Variants in GSK3B observed in about 807,000 individuals in gnomAD.
The protein encoded by GSK3B is glycogen synthase kinase-3 beta.
In GSK3B, 15 loss-of-function variants were observed where a neutral mutation model predicts 56.4. That is an observed-to-expected ratio of 0.27 (90% CI 0.18 to 0.41). The LOEUF (loss-of-function observed/expected upper bound fraction) is 0.41, where lower values mean the gene tolerates loss of function less well. Among genes scored for constraint, GSK3B ranks in the 10% least tolerant of loss-of-function variants. The pLI, the probability that GSK3B is intolerant of heterozygous loss-of-function variation, is 1.00. For synonymous variants in GSK3B, 181 were observed against 188.9 expected, an observed-to-expected ratio of 0.96 and a Z score of 0.34; for missense variants, 300 against 513.4, an observed-to-expected ratio of 0.58 and a Z score of 4.02.
At position 119,846,129 on chromosome 3, in the gene GSK3B, A is replaced by G. The variant is rs552357585; in HGVS notation, c.1097-2776T>C. ...GACTGAAACTGGACCCCTTCCTTATACCTTATACAAAAATTAACTCAAGAT... is the reference window on the plus strand; with the variant it reads ...GACTGAAACTGGACCCCTTCCTTATGCCTTATACAAAAATTAACTCAAGAT... On this transcript the variant is annotated intron_variant, in intron 9 of 10. Coordinates refer to ENST00000264235, the MANE Select transcript of GSK3B (RefSeq NM_001146156.2). Among the ~76,000 whole-genome samples, 373 of 152,306 alleles carry G rather than the reference A, an allele frequency of 2.4e-3. 1 individual carries two copies. The highest frequency in any genetic ancestry group is 8.5e-3 in the African/African-American group (352 of 41,562).
At chr3:120,014,313 T>G (rs1485018567) in intron 1 of GSK3B, among the ~76,000 whole-genome samples, 2 of 151,988 alleles carry the variant, frequency 1.3e-5, no homozygotes, top group Non-Finnish European at 2.9e-5. Flanking sequence ...AGCAAAGATG[T>G]TCTCCCCAAA....
At chr3:119,887,341 AG>A (rs2056447260) in intron 7 of GSK3B, among the ~76,000 whole-genome samples, 1 of 152,160 alleles carries the variant, frequency 6.6e-6, no homozygotes, top group African/African-American at 2.4e-5. Flanking sequence ...ATATAAGAAG[AG>A]AAAAAATCAA....
intron 2 of GSK3B, among the ~76,000 whole-genome samples, chr3:119,992,395 G>A (rs1448504381): frequency 2.6e-5 from 4 of 151,976 alleles, no homozygotes; most frequent in Admixed American, 6.5e-5. Flanking sequence ...ATTGTACCCA[G>A]ACAAGTAGTT....
intron 2 of GSK3B, among the ~76,000 whole-genome samples, chr3:119,972,659 T>C (rs951362131): frequency 6.6e-6 from 1 of 152,084 alleles, no homozygotes; most frequent in Admixed American, 6.6e-5. Flanking sequence ...ATGTTCTCGA[T>C]CTCCTGACCT....
At chr3:119,892,948 CA>C (rs1292640635) in intron 7 of GSK3B, among the ~76,000 whole-genome samples, 3 of 152,024 alleles carry the variant, frequency 2.0e-5, no homozygotes, top group African/African-American at 7.2e-5. Flanking sequence ...CTATCATTTT[CA>C]CTTATAGAGG....
At chr3:120,009,898 AT>A (rs1160217369) in intron 1 of GSK3B, among the ~76,000 whole-genome samples, 1 of 152,206 alleles carries the variant, frequency 6.6e-6, no homozygotes, top group Non-Finnish European at 1.5e-5. Flanking sequence ...GGATTCCTTC[AT>A]AAGATAGCCA....
At chr3:120,067,102 C>T (rs2058287156) in intron 1 of GSK3B, among the ~76,000 whole-genome samples, 1 of 151,898 alleles carries the variant, frequency 6.6e-6, no homozygotes, top group Non-Finnish European at 1.5e-5. Flanking sequence ...ACATGTGGCC[C>T]GGGAATTAGA....
intron 1 of GSK3B, among the ~76,000 whole-genome samples, chr3:120,039,894 C>T (rs539982957): frequency 2.6e-5 from 4 of 152,322 alleles, no homozygotes; most frequent in South Asian, 2.1e-4. Context: ...CGGGCTCATC[C>T]GGGATTCCCA....
intron 10 of GSK3B, chr3:119,833,082 C>A: frequency 3.5e-6 from 2 of 569,030 alleles, no homozygotes; most frequent in Non-Finnish European, 4.4e-6. Context: ...AAGTCATAAA[C>A]GCAGAATTTC....
At chr3:119,999,767 T>G (rs2057657952) in intron 2 of GSK3B, among the ~76,000 whole-genome samples, 1 of 152,080 alleles carries the variant, frequency 6.6e-6, no homozygotes, top group Non-Finnish European at 1.5e-5. Context: ...AGCAGGAGAA[T>G]GGGAGTGATA....
chr3:119,946,777 T>G (rs2057104198), intron 3 of GSK3B, among the ~76,000 whole-genome samples: 1 of 152,160 alleles, frequency 6.6e-6, no homozygotes, highest in Non-Finnish European at 1.5e-5. Flanking sequence ...TAAAGTAAGC[T>G]CTGCAATATT....
intron 2 of GSK3B, among the ~76,000 whole-genome samples, chr3:119,963,810 C>A (rs1002271248): frequency 6.6e-6 from 1 of 151,996 alleles, no homozygotes; most frequent in African/African-American, 2.4e-5. Context: ...AACCTGGATA[C>A]CCATATCCAA....
chr3:119,853,637 G>C (rs192688898), intron 9 of GSK3B, among the ~76,000 whole-genome samples: 1 of 152,024 alleles, frequency 6.6e-6, no homozygotes, highest in African/African-American at 2.4e-5. Flanking sequence ...GGTCCTTCAC[G>C]TCCCTTGTAA....
At chr3:119,837,255 C>T (rs577318710) in intron 10 of GSK3B, among the ~76,000 whole-genome samples, 738 of 152,060 alleles carry the variant, frequency 4.9e-3, no homozygotes, top group Non-Finnish European at 8.0e-3. Flanking sequence ...CCCGGGTTCA[C>T]GCCATTCTCC....
At chr3:119,828,726 C>T (rs1451981618) in intron 10 of GSK3B, among the ~76,000 whole-genome samples, 4 of 152,306 alleles carry the variant, frequency 2.6e-5, no homozygotes, top group African/African-American at 9.6e-5. Context: ...TTTCTAAAGC[C>T]AATCTATAAA....
At chr3:119,982,986 C>T (rs1254746777) in intron 2 of GSK3B, among the ~76,000 whole-genome samples, 7 of 152,066 alleles carry the variant, frequency 4.6e-5, no homozygotes, top group African/African-American at 1.7e-4. Context: ...AATCGGAAGG[C>T]CATCAGACTA....
intron 6 of GSK3B, among the ~76,000 whole-genome samples, chr3:119,907,166 G>A (rs2056690825): frequency 6.6e-6 from 1 of 152,004 alleles, no homozygotes; most frequent in South Asian, 2.1e-4. Context: ...TTTAATCTAA[G>A]TTTTAAAACA....
intron 7 of GSK3B, among the ~76,000 whole-genome samples, chr3:119,900,315 G>A (rs1054949142): frequency 6.6e-6 from 1 of 152,044 alleles, no homozygotes; most frequent in African/African-American, 2.4e-5. Flanking sequence ...CTATTCAAAA[G>A]CAATAGTCAA....
At position 119,843,246 on chromosome 3, in the gene GSK3B, C is replaced by A; in HGVS notation, c.1195+9G>T. 1.9e-6 allele frequency: 3 copies of A among 1,568,354 alleles called. No homozygotes were observed. Among genetic ancestry groups the A allele is most frequent in the Middle Eastern group, 1.7e-4 (1 of 5,914 alleles). ...ATGTTTTTATAGAAGAGACTTAGAA[C>A]GTTCTTACCTGACGCTGCTGTGGCA... On this transcript the variant is annotated intron_variant, in intron 10 of 10. Coordinates refer to ENST00000264235, the MANE Select transcript of GSK3B (RefSeq NM_001146156.2).
Sources: gnomAD v4.1 joint callset for allele counts (sites outside exome capture counted in the v4.1 genomes callset) on GRCh38, gnomAD v4.1.1 for gene constraint, MANE v1.5 for transcripts, NCBI Gene and HGNC (gene_info 2026-07-23, HGNC 2026-07-21) for gene names.